NCAM2: variants seen among roughly 807,000 people sequenced by gnomAD.
The protein encoded by NCAM2 is N-CAM-2.
Under a neutral mutation model 98.1 loss-of-function variants are expected in NCAM2, and 30 were observed. The ratio of observed to expected loss-of-function variants is 0.31; its 90% CI spans 0.23 to 0.41. NCAM2 has a LOEUF of 0.41. NCAM2 is among the 10% of genes least tolerant of loss of function. The pLI, the probability that NCAM2 is intolerant of heterozygous loss-of-function variation, is 1.00. For missense variants in NCAM2, 867 were observed against 1,005.8 expected, an observed-to-expected ratio of 0.86 and a Z score of 1.87; for synonymous variants, 368 against 342.4, an observed-to-expected ratio of 1.07 and a Z score of -0.83.
chr21:21,260,130 A>G (rs1325707008), intron 1 of NCAM2, among the ~76,000 whole-genome samples: 1 of 151,900 alleles, frequency 6.6e-6, no homozygotes, highest in East Asian at 2.0e-4. Context: ...TTTACAAATT[A>G]ACCCAGTCAG....
intron 1 of NCAM2, among the ~76,000 whole-genome samples, chr21:21,184,058 A>C (rs2068561388): frequency 6.6e-6 from 1 of 152,126 alleles, no homozygotes; most frequent in Non-Finnish European, 1.5e-5. Flanking sequence ...TTCGTTTTCT[A>C]ATACTTATAT....
chr21:21,400,016 A>C (rs2076595198), intron 9 of NCAM2, among the ~76,000 whole-genome samples: 1 of 152,150 alleles, frequency 6.6e-6, no homozygotes, highest in Non-Finnish European at 1.5e-5. Context: ...AAGAAAAAAA[A>C]GAGGCAGGGA....
chr21:21,310,546 G>T (rs2074013832), intron 5 of NCAM2, among the ~76,000 whole-genome samples: 1 of 152,178 alleles, frequency 6.6e-6, no homozygotes, highest in Admixed American at 6.5e-5. Flanking sequence ...TTCTGCTTTA[G>T]ATCAGGAACT....
At chr21:21,445,814 G>A (rs1980042072) in intron 12 of NCAM2, among the ~76,000 whole-genome samples, 1 of 152,096 alleles carries the variant, frequency 6.6e-6, no homozygotes, top group Admixed American at 6.6e-5. Flanking sequence ...GGGGCATTTA[G>A]TCTGTTTACA....
At chr21:21,386,882 G>A (rs900073658) in intron 9 of NCAM2, among the ~76,000 whole-genome samples, 10 of 152,144 alleles carry the variant, frequency 6.6e-5, no homozygotes, top group African/African-American at 2.4e-4. Context: ...ATCACTGCCT[G>A]TTGGCGTCTG....
intron 1 of NCAM2, among the ~76,000 whole-genome samples, chr21:21,118,680 ACT>A (rs1180998545): frequency 6.6e-6 from 1 of 150,728 alleles, no homozygotes; most frequent in African/African-American, 2.4e-5. Context: ...CTTTTCTTCT[ACT>A]CTTTTTCTGT....
intron 1 of NCAM2, among the ~76,000 whole-genome samples, chr21:21,266,502 A>G (rs1399827371): frequency 1.3e-5 from 2 of 152,194 alleles, no homozygotes; most frequent in Non-Finnish European, 2.9e-5. Flanking sequence ...ACGTATTAAG[A>G]AAATGTGGCA....
Position 21,161,052 on chromosome 21 carries a change from G to A in NCAM2, c.56-119526G>A, listed in dbSNP as rs533230899. 1.3e-4 allele frequency among the ~76,000 whole-genome samples: 20 copies of A among 152,066 alleles called. 1 individual carries two copies. Among genetic ancestry groups the A allele is most frequent in the Admixed American group, 1.0e-3 (16 of 15,258 alleles). On this transcript the variant is annotated intron_variant, in intron 1 of 17. Transcript: ENST00000400546. The stretch of plus-strand genomic sequence containing the variant: ...TGAGAACTTTGGACTATTAATGTAT[G>A]TTTAGGTTTCCTGTTGCTATCTAGC...
At chr21:21,088,965 T>A (rs1166517192) in intron 1 of NCAM2, among the ~76,000 whole-genome samples, 1 of 118,844 alleles carries the variant, frequency 8.4e-6, no homozygotes, top group South Asian at 2.9e-4. Flanking sequence ...AGCGAAACTC[T>A]GTCTCAAAAA....
chr21:21,076,690 C>A (rs975670700), intron 1 of NCAM2, among the ~76,000 whole-genome samples: 22 of 152,124 alleles, frequency 1.4e-4, no homozygotes, highest in African/African-American at 5.1e-4. Context: ...AGCATACTCA[C>A]AACTAACTGT....
At chr21:21,397,910 C>T (rs2076548748) in intron 9 of NCAM2, among the ~76,000 whole-genome samples, 1 of 152,202 alleles carries the variant, frequency 6.6e-6, no homozygotes. Flanking sequence ...AAAAGTAGAT[C>T]CACTATTTTT....
intron 1 of NCAM2, among the ~76,000 whole-genome samples, chr21:21,141,294 A>G (rs562198220): frequency 1.3e-5 from 2 of 152,176 alleles, no homozygotes; most frequent in African/African-American, 2.4e-5. Flanking sequence ...CAGGAGGCAC[A>G]TATTTGTTGT....
At chr21:21,126,246 A>AAAAAAAAAAAAAAAAAAAAAAAG (rs2066821049) in intron 1 of NCAM2, among the ~76,000 whole-genome samples, 1 of 150,750 alleles carries the variant, frequency 6.6e-6, no homozygotes, top group Non-Finnish European at 1.5e-5. Flanking sequence ...TAAAAAAAAA[A>AAAAAAAAAAAAAAAAAAAAAAAG]AAAAAAAAAA....
chr21:21,364,592 G>C (rs1056094312), intron 8 of NCAM2, among the ~76,000 whole-genome samples: 14 of 151,726 alleles, frequency 9.2e-5, no homozygotes, highest in African/African-American at 3.4e-4. Flanking sequence ...TGTGTAGCCT[G>C]TATATATACA....
intron 1 of NCAM2, among the ~76,000 whole-genome samples, chr21:21,212,295 T>A (rs1458786061): frequency 6.6e-6 from 1 of 152,152 alleles, no homozygotes; most frequent in Non-Finnish European, 1.5e-5. Context: ...AAAAAGCCAA[T>A]TCAAAAAAGT....
intron 1 of NCAM2, among the ~76,000 whole-genome samples, chr21:21,109,290 A>G (rs921293380): frequency 5.3e-5 from 8 of 152,122 alleles, no homozygotes; most frequent in Non-Finnish European, 1.2e-4. Context: ...AATGAACTTC[A>G]GATATTTGAA....
intron 1 of NCAM2, among the ~76,000 whole-genome samples, chr21:21,195,229 T>C (rs1382959088): frequency 6.6e-6 from 1 of 152,168 alleles, no homozygotes; most frequent in African/African-American, 2.4e-5. Flanking sequence ...TTTGTAAAAT[T>C]GCTAAGATGT....
chr21:21,408,629 G>A (rs1402261641), intron 9 of NCAM2, among the ~76,000 whole-genome samples: 1 of 151,964 alleles, frequency 6.6e-6, no homozygotes, highest in Admixed American at 6.6e-5. Context: ...TATAATAGAC[G>A]TTGGTTAAAA....
intron 15 of NCAM2, among the ~76,000 whole-genome samples, chr21:21,488,641 G>A (rs1189714333): frequency 6.6e-6 from 1 of 151,834 alleles, no homozygotes; most frequent in Non-Finnish European, 1.5e-5. Flanking sequence ...CCAGTATTAT[G>A]CATGATAACA....
Sources: gnomAD v4.1 joint callset for allele counts (sites outside exome capture counted in the v4.1 genomes callset) on GRCh38, gnomAD v4.1.1 for gene constraint, MANE v1.5 for transcripts, NCBI Gene and HGNC (gene_info 2026-07-23, HGNC 2026-07-21) for gene names.